The following WWOX variants were observed in gnomAD, a reference collection of about 807,000 sequenced individuals.
WWOX encodes the protein WW domain containing oxidoreductase, also known as WW domain-containing oxidoreductase.
WWOX carries 69 observed loss-of-function variants against 46.2 expected under a neutral mutation model. The observed-to-expected ratio is 1.49, with a 90% CI of 1.23 to 1.82. WWOX has a LOEUF of 1.82. WWOX is among the 40% of genes most tolerant of loss of function. The probability of loss-of-function intolerance (pLI) is 0.00; values close to 1 mark genes in which losing one functional copy is unlikely to be tolerated. For missense variants in WWOX, 919 were observed against 542.6 expected (o/e 1.69, Z -6.89); for synonymous variants, 359 against 202.6 (o/e 1.77, Z -6.56).
At chr16:78,479,694 C>G (rs1026674180) in intron 8 of WWOX, among the ~76,000 whole-genome samples, 7 of 152,154 alleles carry the variant, frequency 4.6e-5, no homozygotes, top group Non-Finnish European at 8.8e-5. Flanking sequence ...CAGCCCTCTA[C>G]AAATTGGGAA....
intron 8 of WWOX, among the ~76,000 whole-genome samples, chr16:78,878,882 A>T: frequency 7.4e-6 from 1 of 134,796 alleles, no homozygotes; most frequent in Non-Finnish European, 1.5e-5. Flanking sequence ...ATAGCAAAAT[A>T]CTATCTCTAC....
At chr16:79,064,529 C>G (rs1276768743) in intron 8 of WWOX, among the ~76,000 whole-genome samples, 4 of 152,202 alleles carry the variant, frequency 2.6e-5, no homozygotes, top group Non-Finnish European at 5.9e-5. Flanking sequence ...GTGGAGACAC[C>G]TGGAGCATCT....
chr16:78,310,266 A>G lies in WWOX; in HGVS notation c.517-76594A>G, dbSNP rs1597465705. 2.0e-5 allele frequency among the ~76,000 whole-genome samples: 3 copies of G among 152,252 alleles called. 1 individual carries two copies. In the East Asian group the frequency reaches 5.8e-4, roughly 29 times the overall value. On this transcript the variant is annotated intron_variant, in intron 5 of 8. Transcript: ENST00000566780. Reference sequence around the variant, plus strand: ...CCCACTGAAATTTCACCTCTATTGTATGTGGCTTTTCTAGAAACGTGTGCT... The same window carrying G: ...CCCACTGAAATTTCACCTCTATTGTGTGTGGCTTTTCTAGAAACGTGTGCT...
intron 8 of WWOX, among the ~76,000 whole-genome samples, chr16:78,874,234 C>T (rs191790867): frequency 2.1e-5 from 3 of 143,800 alleles, no homozygotes; most frequent in Admixed American, 1.4e-4. Flanking sequence ...CTAGCATGGG[C>T]GACAGAGCGA....
At chr16:78,947,239 G>A (rs75960838) in intron 8 of WWOX, among the ~76,000 whole-genome samples, 8 of 152,084 alleles carry the variant, frequency 5.3e-5, no homozygotes. Flanking sequence ...AAATGAGTTT[G>A]CTAAATGTTA....
chr16:79,140,725 T>G (rs1173998575), intron 8 of WWOX, among the ~76,000 whole-genome samples: 1 of 152,220 alleles, frequency 6.6e-6, no homozygotes, highest in Non-Finnish European at 1.5e-5. Flanking sequence ...TGGGACATGG[T>G]CTTTTGTCTG....
chr16:78,687,911 C>G (rs1007413547), intron 8 of WWOX, among the ~76,000 whole-genome samples: 1 of 151,956 alleles, frequency 6.6e-6, no homozygotes, highest in Non-Finnish European at 1.5e-5. Context: ...CACTCCCTTT[C>G]TTTTGCTAAT....
At chr16:78,990,039 C>G (rs1331795188) in intron 8 of WWOX, among the ~76,000 whole-genome samples, 3 of 151,806 alleles carry the variant, frequency 2.0e-5, no homozygotes, top group African/African-American at 7.3e-5. Context: ...CAAAAATTAG[C>G]TGGGCTTGGT....
intron 8 of WWOX, among the ~76,000 whole-genome samples, chr16:79,000,372 A>C (rs571571768): frequency 6.6e-6 from 1 of 152,248 alleles, no homozygotes; most frequent in South Asian, 2.1e-4. Flanking sequence ...ATGGGGAATT[A>C]AGGTTGCAGA....
At position 78,910,868 on chromosome 16, in the gene WWOX, T is replaced by G. The variant is rs555477691; in HGVS notation, c.1057-300740T>G. On this transcript the variant is annotated intron_variant, in intron 8 of 8. Transcript: ENST00000566780. ...TGGGAGCTATAATTCAAGATGAGAT[T>G]TGGGTGGGGACACAGCCAAACCATA... 5.1e-4 allele frequency among the ~76,000 whole-genome samples: 77 copies of G among 152,132 alleles called. 2 individuals are homozygous for G. The highest frequency in any genetic ancestry group is 9.9e-4 in the Non-Finnish European group (67 of 68,002).
intron 8 of WWOX, among the ~76,000 whole-genome samples, chr16:78,810,150 C>T (rs2051148484): frequency 6.6e-6 from 1 of 152,168 alleles, no homozygotes; most frequent in African/African-American, 2.4e-5. Flanking sequence ...GTTAAATGGT[C>T]CTTTAATATT....
At chr16:78,598,840 A>G (rs1004249357) in intron 8 of WWOX, among the ~76,000 whole-genome samples, 1 of 152,078 alleles carries the variant, frequency 6.6e-6, no homozygotes, top group African/African-American at 2.4e-5. Context: ...TCCCCTTCAT[A>G]CAAATAGATA....
chr16:79,000,610 A>G (rs1203932053), intron 8 of WWOX, among the ~76,000 whole-genome samples: 1 of 152,218 alleles, frequency 6.6e-6, no homozygotes, highest in Non-Finnish European at 1.5e-5. Context: ...AGGCAAGGAA[A>G]GAGATTCTCT....
At chr16:79,143,569 C>A (rs189242363) in intron 8 of WWOX, among the ~76,000 whole-genome samples, 1 of 151,840 alleles carries the variant, frequency 6.6e-6, no homozygotes. Flanking sequence ...TACTCAGATC[C>A]GTTAGAAAAA....
intron 5 of WWOX, among the ~76,000 whole-genome samples, chr16:78,333,847 C>A (rs867523570): frequency 2.6e-5 from 4 of 152,186 alleles, no homozygotes; most frequent in Admixed American, 1.3e-4. Flanking sequence ...TAAGAAGTTT[C>A]ATTTAAGGTA....
chr16:79,068,414 T>C (rs889787485), intron 8 of WWOX, among the ~76,000 whole-genome samples: 2 of 152,084 alleles, frequency 1.3e-5, no homozygotes, highest in African/African-American at 2.4e-5. Flanking sequence ...TGAGAGTAGC[T>C]CTGTGCTGCC....
chr16:78,416,659 GTTA>G (rs2082803505), intron 6 of WWOX, among the ~76,000 whole-genome samples: 1 of 152,168 alleles, frequency 6.6e-6, no homozygotes, highest in African/African-American at 2.4e-5. Context: ...AGACATTGTT[GTTA>G]TTGAGAAGTA....
chr16:78,683,561 TA>T (rs34149074), intron 8 of WWOX, among the ~76,000 whole-genome samples: 76,346 of 149,694 alleles, frequency 0.51, 20,018 homozygotes, highest in Middle Eastern at 0.6. Context: ...ATAAAAATAA[TA>T]AAAAAAAAAT....
rs72804998 is a variant in WWOX, at chr16:78,177,016, C to T, written c.516+12727C>T. 9.3e-3 allele frequency among the ~76,000 whole-genome samples: 1,416 copies of T among 152,222 alleles called. 12 individuals carry two copies. Among genetic ancestry groups the T allele is most frequent in the Middle Eastern group, 0.031 (9 of 294 alleles). On this transcript the variant is annotated intron_variant, in intron 5 of 8. Coordinates refer to ENST00000566780, the MANE Select transcript of WWOX (RefSeq NM_016373.4). ...TGTTGGAAATGCAAATTCTTGGGCC[C>T]CACCCCAGACCTACTAGGTAAGAAT...
Sources: allele counts gnomAD v4.1 joint callset (sites outside exome capture counted in the v4.1 genomes callset), GRCh38; gene constraint gnomAD v4.1.1; transcripts MANE v1.5; gene names NCBI Gene and HGNC (gene_info 2026-07-23, HGNC 2026-07-21).